ARHGAP26: variants seen among roughly 807,000 people sequenced by gnomAD.
ARHGAP26 encodes rho GTPase-activating protein 26.
A neutral mutation model predicts 104.8 loss-of-function variants in ARHGAP26; 38 were observed. The ratio of observed to expected loss-of-function variants is 0.36; its 90% CI spans 0.28 to 0.48. The LOEUF is 0.48. Among genes scored for constraint, ARHGAP26 ranks in the 20% least tolerant of loss-of-function variants. The pLI, the probability that ARHGAP26 is intolerant of heterozygous loss-of-function variation, is 0.99. For missense variants in ARHGAP26, 704 were observed against 947.9 expected, an observed-to-expected ratio of 0.74 and a Z score of 3.38; for synonymous variants, 341 against 340.0, an observed-to-expected ratio of 1.00 and a Z score of -0.03.
chr5:143,105,666 G>C (rs1331617826), intron 17 of ARHGAP26, among the ~76,000 whole-genome samples: 3 of 152,154 alleles, frequency 2.0e-5, no homozygotes, highest in Admixed American at 2.0e-4. Context: ...TTGCAGCACT[G>C]TGTTCCTGGC....
chr5:142,930,592 A>C (rs712170), intron 10 of ARHGAP26, among the ~76,000 whole-genome samples: 66,640 of 150,944 alleles, frequency 0.44, 16,889 homozygotes, highest in East Asian at 0.91. Context: ...CCCACATACA[A>C]CCCCACTCCC....
chr5:142,840,863 A>G (rs1770649915), intron 1 of ARHGAP26, among the ~76,000 whole-genome samples: 1 of 152,198 alleles, frequency 6.6e-6, no homozygotes. Flanking sequence ...TCCTCCTCCA[A>G]AGAAAGGTTC....
intron 11 of ARHGAP26, among the ~76,000 whole-genome samples, chr5:142,995,294 A>G (rs1776219725): frequency 6.6e-6 from 1 of 152,248 alleles, no homozygotes; most frequent in African/African-American, 2.4e-5. Flanking sequence ...CCTAGAATCT[A>G]CAAGGAACTT....
intron 1 of ARHGAP26, among the ~76,000 whole-genome samples, chr5:142,783,884 A>G (rs887947932): frequency 6.6e-6 from 1 of 152,248 alleles, no homozygotes; most frequent in Non-Finnish European, 1.5e-5. Context: ...TGACTAGTGC[A>G]CTGAAATGTT....
intron 11 of ARHGAP26, among the ~76,000 whole-genome samples, chr5:142,949,215 G>A (rs1767847518): frequency 4.5e-5 from 3 of 66,892 alleles, no homozygotes; most frequent in Non-Finnish European, 7.4e-5. Flanking sequence ...GAGAGAGAGA[G>A]AGAGAGGAGA....
intron 1 of ARHGAP26, among the ~76,000 whole-genome samples, chr5:142,792,315 C>A (rs779826340): frequency 6.6e-6 from 1 of 152,184 alleles, no homozygotes; most frequent in Non-Finnish European, 1.5e-5. Flanking sequence ...ATAGTGCCTC[C>A]CATACACCTT....
chr5:143,067,042 C>T (rs1043102570), intron 17 of ARHGAP26, among the ~76,000 whole-genome samples: 15 of 151,904 alleles, frequency 9.9e-5, no homozygotes, highest in Non-Finnish European at 1.9e-4. Context: ...TGCCCCTCCC[C>T]CTCCCGCTTC....
At chr5:143,135,558 T>C (rs902337868) in intron 19 of ARHGAP26, among the ~76,000 whole-genome samples, 5 of 152,280 alleles carry the variant, frequency 3.3e-5, no homozygotes, top group African/African-American at 1.2e-4. Flanking sequence ...TGGCCTTCCT[T>C]ACCATAACTT....
intron 6 of ARHGAP26, among the ~76,000 whole-genome samples, chr5:142,895,089 A>G (rs1220635290): frequency 6.6e-6 from 1 of 152,218 alleles, no homozygotes; most frequent in Admixed American, 6.5e-5. Context: ...GGAAACACCA[A>G]AATAGTATAT....
intron 11 of ARHGAP26, among the ~76,000 whole-genome samples, chr5:142,954,332 C>T (rs1441657273): frequency 1.3e-5 from 2 of 152,214 alleles, no homozygotes; most frequent in Non-Finnish European, 2.9e-5. Flanking sequence ...TCTGAGCCTA[C>T]ATCTACCCCT....
chr5:143,050,268 G>A (rs1784816721), intron 14 of ARHGAP26, among the ~76,000 whole-genome samples: 1 of 151,788 alleles, frequency 6.6e-6, no homozygotes, highest in South Asian at 2.1e-4. Context: ...TTTTTTGTGT[G>A]TTTTTACCAT....
chr5:143,124,145 C>T (rs1215617582), intron 18 of ARHGAP26, among the ~76,000 whole-genome samples: 3 of 152,160 alleles, frequency 2.0e-5, no homozygotes, highest in Admixed American at 2.0e-4. Flanking sequence ...AAGTATATAC[C>T]CCCCATAGCG....
rs1188846081 is a variant in ARHGAP26 at position 142,890,149 on chromosome 5, AAAATATATATATATATAT to A, written c.487-4087_487-4070del. ...GAAACTCCGTCTTAAAAAAAAAAAA[AAAATATATATATATATAT>A]ATATATATATATATATATATATATA... On this transcript the variant is annotated intron_variant, in intron 5 of 22. Transcript: ENST00000645722. Among the ~76,000 whole-genome samples the A allele has an allele frequency of 3.7e-3, 246 of 66,722 alleles. 6 individuals carry two copies. The highest frequency in any genetic ancestry group is 9.4e-3 in the Middle Eastern group (1 of 106). 43.8% of individuals were successfully genotyped at this position (66,722 alleles called of 152,430 possible). A position where few individuals can be genotyped will look rare whatever the true frequency, so the allele number is the denominator to read the frequency against.
chr5:142,983,270 A>G (rs564646425), intron 11 of ARHGAP26, among the ~76,000 whole-genome samples: 24 of 152,018 alleles, frequency 1.6e-4, no homozygotes, highest in Non-Finnish European at 3.1e-4. Context: ...ACAGTGGCGC[A>G]ATCTCTGCTC....
In ARHGAP26 at chr5:142,894,306, G is replaced by A. The variant is rs752357316; in HGVS notation, c.555G>A (p.Val185=). ...YEVSLEYVFK[V]QEVQERKMFE... ...TATCCCTGGAATATGTCTTCAAGGT[G>A]CAGGAAGTCCAAGAGAGAAAGATGT... is the stretch of plus-strand genomic sequence containing the variant. Residue 185 remains valine, a synonymous_variant, in exon 6 of 23, where the codon GTG becomes GTA. Transcript: ENST00000645722. The A allele has an allele frequency of 6.2e-6, 10 of 1,614,126 alleles. No homozygotes were observed. Among genetic ancestry groups the A allele is most frequent in the South Asian group, 1.1e-5 (1 of 91,088 alleles).
chr5:142,921,763 A>G (rs1763223374), intron 10 of ARHGAP26: 1 of 154,050 alleles, frequency 6.5e-6, no homozygotes, highest in Non-Finnish European at 1.5e-5. Context: ...CCACATCTGT[A>G]AGATGGGGTG....
chr5:142,937,313 A>G (rs1031180868), intron 11 of ARHGAP26, among the ~76,000 whole-genome samples: 1 of 152,214 alleles, frequency 6.6e-6, no homozygotes, highest in African/African-American at 2.4e-5. Flanking sequence ...GTTCAATATC[A>G]TTAGCCATTA....
intron 1 of ARHGAP26, among the ~76,000 whole-genome samples, chr5:142,825,538 G>A (rs752099288): frequency 2.6e-5 from 4 of 152,176 alleles, no homozygotes; most frequent in East Asian, 3.9e-4. Flanking sequence ...CCTGAGTGTC[G>A]TCACCCTGAG....
chr5:142,820,787 A>G (rs1031416916), intron 1 of ARHGAP26, among the ~76,000 whole-genome samples: 4 of 152,228 alleles, frequency 2.6e-5, no homozygotes, highest in Non-Finnish European at 2.9e-5. Flanking sequence ...AGCAATTGCA[A>G]TGTGTCAGGC....
Sources: gnomAD v4.1 joint callset for allele counts (sites outside exome capture counted in the v4.1 genomes callset) on GRCh38, gnomAD v4.1.1 for gene constraint, MANE v1.5 for transcripts, NCBI Gene and HGNC (gene_info 2026-07-23, HGNC 2026-07-21) for gene names.